Variants in LYN observed in about 807,000 individuals in gnomAD.
LYN encodes tyrosine-protein kinase Lyn.
Under a neutral mutation model 65.0 loss-of-function variants are expected in LYN, and 12 were observed. The ratio of observed to expected loss-of-function variants is 0.18; its 90% CI spans 0.12 to 0.30. LYN has a LOEUF of 0.30. Ranked by LOEUF, LYN falls within the 10% of genes least tolerant of loss-of-function variation. The pLI is 1.00. For missense variants in LYN, 380 were observed against 623.2 expected (o/e 0.61, Z 4.16); for synonymous variants, 222 against 221.2 (o/e 1.00, Z -0.03).
At chr8:55,938,535 A>G (rs1396052345) in intron 1 of LYN, among the ~76,000 whole-genome samples, 1 of 152,142 alleles carries the variant, frequency 6.6e-6, no homozygotes, top group Non-Finnish European at 1.5e-5. Context: ...CTTGCCAGAA[A>G]ACCTAGGGCA....
chr8:55,890,378 A>G (rs1358105515), intron 1 of LYN, among the ~76,000 whole-genome samples: 1 of 152,186 alleles, frequency 6.6e-6, no homozygotes, highest in African/African-American at 2.4e-5. Context: ...ATGAGAAATC[A>G]TGATGAAATC....
chr8:55,931,360 T>C (rs1052764845), intron 1 of LYN, among the ~76,000 whole-genome samples: 1 of 150,474 alleles, frequency 6.6e-6, no homozygotes, highest in Non-Finnish European at 1.5e-5. Flanking sequence ...TTGTACACAA[T>C]GGAAAACATT....
chr8:55,885,636 G>A (rs531620354), intron 1 of LYN, among the ~76,000 whole-genome samples: 2 of 152,308 alleles, frequency 1.3e-5, no homozygotes, highest in East Asian at 3.9e-4. Flanking sequence ...GTCTCTGGGT[G>A]CCCCCACTCT....
intron 1 of LYN, among the ~76,000 whole-genome samples, chr8:55,928,307 G>A (rs551877785): frequency 4.6e-5 from 7 of 152,242 alleles, no homozygotes; most frequent in East Asian, 1.9e-4. Context: ...CACCACGCCC[G>A]GCTAGTTTTT....
rs1808806902 is a variant in LYN, at chr8:56,011,202, C to A, written c.*1092C>A. 1 of 227,626 alleles carries A rather than the reference C, an allele frequency of 4.4e-6. No homozygotes were observed. 14.1% of individuals were successfully genotyped at this position (227,626 alleles called of 1,614,324 possible). ...CAAGGATATGAAGGAACATAAGTGA[C>A]TACAAGGCTCTAATAAGCCACGGTG... On this transcript the variant is annotated 3_prime_UTR_variant, in exon 13 of 13. Transcript: ENST00000519728.
intron 1 of LYN, among the ~76,000 whole-genome samples, chr8:55,897,574 T>A (rs1350115444): frequency 6.6e-6 from 1 of 152,182 alleles, no homozygotes; most frequent in Non-Finnish European, 1.5e-5. Context: ...TCTAAAATAT[T>A]TCAAAATCTT....
chr8:55,887,310 C>T (rs1311421586), intron 1 of LYN, among the ~76,000 whole-genome samples: 1 of 151,996 alleles, frequency 6.6e-6, no homozygotes, highest in African/African-American at 2.4e-5. Context: ...GAGCTGAACA[C>T]AAACTAGTAG....
chr8:55,961,752 A>G (rs1807281668), intron 8 of LYN, among the ~76,000 whole-genome samples: 1 of 152,096 alleles, frequency 6.6e-6, no homozygotes, highest in Admixed American at 6.6e-5. Context: ...ATGTAATGTA[A>G]CAAGCAGACA....
chr8:56,013,725 C>T lies in LYN; in HGVS notation c.*3615C>T, dbSNP rs1210227698. 1 of 152,280 alleles carries T rather than the reference C, an allele frequency of 6.6e-6. No homozygotes were observed. Among genetic ancestry groups the T allele is most frequent in the Non-Finnish European group, 1.5e-5 (1 of 68,094 alleles). 9.4% of individuals were successfully genotyped at this position (152,280 alleles called of 1,614,324 possible). ...TCGCTCCCCAGCTCTTCTGATGTCA[C>T]TGCCAGGTTCCACAGCCAGTTGTCG... is the stretch of plus-strand genomic sequence containing the variant. On this transcript the variant is annotated 3_prime_UTR_variant, in exon 13 of 13. Coordinates refer to ENST00000519728, the MANE Select transcript of LYN (RefSeq NM_002350.4).
In LYN at chr8:55,946,452, C is replaced by G; in HGVS notation, c.137C>G (p.Pro46Arg). The change falls in exon 3 of 13, where the codon CCA becomes CGA. Residue 46 changes from proline (P) to arginine (R), a missense_variant. Pro to Arg is a moderately radical substitution (Grantham distance 103). Transcript: ENST00000519728. ...CTAACAAATATTCTCTCGTAGGTTC[C>G]AGAATCTCAGCTTTTACCTGGACAG... is the stretch of plus-strand genomic sequence containing the variant. ...PTSNKQQRPV[P>R]ESQLLPGQRF... The G allele has an allele frequency of 1.2e-6, 2 of 1,606,832 alleles. No homozygotes were observed. Among genetic ancestry groups the G allele is most frequent in the Non-Finnish European group, 1.7e-6 (2 of 1,173,998 alleles).
At chr8:56,009,753 G>T (rs931451211) in intron 12 of LYN, among the ~76,000 whole-genome samples, 155 bp from the exon 13 acceptor site, 1 of 152,134 alleles carries the variant, frequency 6.6e-6, no homozygotes, top group African/African-American at 2.4e-5. Flanking sequence ...TAGGAATTTT[G>T]GGAGGATGCT....
At chr8:55,981,762 C>T (rs1288909217) in intron 10 of LYN, among the ~76,000 whole-genome samples, 1 of 152,036 alleles carries the variant, frequency 6.6e-6, no homozygotes, top group Non-Finnish European at 1.5e-5. Flanking sequence ...CTTTCCTGTA[C>T]AAAACTTACT....
At chr8:55,970,813 C>G (rs570022559) in intron 10 of LYN, among the ~76,000 whole-genome samples, 1 of 152,308 alleles carries the variant, frequency 6.6e-6, no homozygotes, top group Admixed American at 6.5e-5. Context: ...CTCTGCCACT[C>G]GATAGCTATA....
At chr8:55,983,560 C>T (rs748962366) in intron 10 of LYN, among the ~76,000 whole-genome samples, 9 of 151,364 alleles carry the variant, frequency 5.9e-5, no homozygotes, top group Non-Finnish European at 1.0e-4. Context: ...GAACCTCCCA[C>T]CCCTCGACCC....
At chr8:55,976,894 A>T (rs1807770654) in intron 10 of LYN, among the ~76,000 whole-genome samples, 1 of 152,120 alleles carries the variant, frequency 6.6e-6, no homozygotes, top group Non-Finnish European at 1.5e-5. Context: ...ATGGACATTA[A>T]GGAAACTAGG....
intron 1 of LYN, among the ~76,000 whole-genome samples, chr8:55,897,806 A>T (rs1805159280): frequency 6.6e-6 from 1 of 152,068 alleles, no homozygotes; most frequent in African/African-American, 2.4e-5. Context: ...CCAGCTACTC[A>T]GGAGGCTGAG....
intron 1 of LYN, among the ~76,000 whole-genome samples, chr8:55,933,541 A>C (rs1806329168): frequency 6.6e-6 from 1 of 152,230 alleles, no homozygotes; most frequent in African/African-American, 2.4e-5. Flanking sequence ...ATGTACTGTC[A>C]AGTTAAAGAT....
chr8:55,974,190 C>A (rs888254610), intron 10 of LYN, among the ~76,000 whole-genome samples: 5 of 152,174 alleles, frequency 3.3e-5, no homozygotes, highest in African/African-American at 4.8e-5. Context: ...ATAACTGATT[C>A]TTTCCTCTGC....
chr8:55,947,782 G>A (rs1806828295), intron 4 of LYN, 59 bp downstream of exon 4: 1 of 1,176,704 alleles, frequency 8.5e-7, no homozygotes, highest in Non-Finnish European at 1.3e-6. Context: ...AGTCCTGCAG[G>A]CTGTCCCCTT....
Sources: gnomAD v4.1 joint callset for allele counts (sites outside exome capture counted in the v4.1 genomes callset) on GRCh38, gnomAD v4.1.1 for gene constraint, MANE v1.5 for transcripts, NCBI Gene and HGNC (gene_info 2026-07-23, HGNC 2026-07-21) for gene names.